Variants in AKAP3 observed in about 807,000 individuals in gnomAD.
AKAP3 encodes A-kinase anchor protein 3.
In AKAP3, 27 loss-of-function variants were observed where a neutral mutation model predicts 57.2. The observed-to-expected ratio is 0.47, with a 90% CI of 0.35 to 0.65. The LOEUF (loss-of-function observed/expected upper bound fraction) is 0.65, where lower values mean the gene tolerates loss of function less well. AKAP3 is among the 30% of genes least tolerant of loss of function. The probability of loss-of-function intolerance (pLI) is 0.01; values close to 1 mark genes in which losing one functional copy is unlikely to be tolerated. For synonymous variants in AKAP3, 334 were observed against 392.3 expected (o/e 0.85, Z 1.76); for missense variants, 959 against 1,040.0 (o/e 0.92, Z 1.07).
chr12:4,616,753 T>A (rs144449377), intron 5 of AKAP3, among the ~76,000 whole-genome samples: 8 of 152,288 alleles, frequency 5.3e-5, no homozygotes, highest in Admixed American at 4.6e-4. Flanking sequence ...ATAAAAATTA[T>A]CCATGCTGAA....
intron 4 of AKAP3, among the ~76,000 whole-genome samples, chr12:4,631,594 C>T (rs1407270082): frequency 6.9e-6 from 1 of 145,742 alleles, no homozygotes; most frequent in Admixed American, 6.7e-5. Flanking sequence ...GGTGCATGCT[C>T]ACACACACAC....
At chr12:4,630,730 A>G (rs1945486846) in intron 4 of AKAP3, among the ~76,000 whole-genome samples, 1 of 152,180 alleles carries the variant, frequency 6.6e-6, no homozygotes, top group African/African-American at 2.4e-5. Flanking sequence ...GACAACTGAC[A>G]TCAATGCAAT....
intron 4 of AKAP3, among the ~76,000 whole-genome samples, chr12:4,630,407 A>C (rs1210345209): frequency 6.6e-6 from 1 of 152,162 alleles, no homozygotes; most frequent in Non-Finnish European, 1.5e-5. Context: ...TGCAATTCTG[A>C]TTCTAAAATC....
chr12:4,627,020 A>ACTT lies in AKAP3; in HGVS notation c.1879_1881dup (p.Lys627dup). 6.2e-7 allele frequency: 1 copy of ACTT among 1,614,038 alleles called. No individual in the cohort carries two copies. Among genetic ancestry groups the ACTT allele is most frequent in the Non-Finnish European group, 8.5e-7 (1 of 1,179,956 alleles). ...GAAGACGCCAACGGTCTTTCACACA[A>ACTT]CTTCCTATCTTCCTTAACTGGCTGT... On this transcript the variant is annotated inframe_insertion, in exon 5 of 6. Transcript: ENST00000228850.
Position 4,649,029 on chromosome 12 carries a change from G to T in AKAP3, c.-529C>A. 4 of 1,402,066 alleles carry T rather than the reference G, an allele frequency of 2.9e-6. No individual in the cohort carries two copies. Among genetic ancestry groups the T allele is most frequent in the Non-Finnish European group, 3.0e-6 (3 of 1,014,380 alleles). The allele number at this position is 1,402,066 out of a possible 1,614,324, so 86.9% of individuals were successfully genotyped here. ...AATCTACCCGAAACCGTCGTTTCTTGGTTAGCGCTTGCGCAGACAGGCGAG... is the reference window on the plus strand; with the variant it reads ...AATCTACCCGAAACCGTCGTTTCTTTGTTAGCGCTTGCGCAGACAGGCGAG... On this transcript the variant is annotated 5_prime_UTR_variant, in exon 1 of 6. Coordinates refer to ENST00000228850, the MANE Select transcript of AKAP3 (RefSeq NM_001278309.2).
Position 4,628,697 on chromosome 12 carries a change from C to T in AKAP3, c.205G>A (p.Gly69Arg). 1.2e-6 allele frequency: 2 copies of T among 1,614,118 alleles called. No individual in the cohort carries two copies. Among genetic ancestry groups the T allele is most frequent in the Non-Finnish European group, 8.5e-7 (1 of 1,180,014 alleles). Reference protein sequence around the residue: ...VRFKPGESFGGETSNSGDPHK... With the variant: ...VRFKPGESFGRETSNSGDPHK... ...GGGTCTCCTGAGTTGGACGTTTCCC[C>T]ACCAAATGATTCTCCGGGTTTGAAC... Residue 69 changes from glycine (G) to arginine (R), a missense_variant, in exon 5 of 6, where the codon GGG (glycine) becomes AGG (arginine). Physicochemically the swap from Gly to Arg is moderately radical, Grantham distance 125 (BLOSUM62 -2). Transcript: ENST00000228850.
At position 4,642,157 on chromosome 12, in the gene AKAP3, A is replaced by C. The variant is rs1945645453; in HGVS notation, c.-106-153T>G. On this transcript the variant is annotated intron_variant, in intron 2 of 5. Coordinates refer to ENST00000228850, the MANE Select transcript of AKAP3 (RefSeq NM_001278309.2). Reference sequence around the variant, plus strand: ...TTCAAATTTCATGAGCACACATCTTATTCTTGATGCAGTCTAGCAGTTCCA... The same window carrying C: ...TTCAAATTTCATGAGCACACATCTTCTTCTTGATGCAGTCTAGCAGTTCCA... 3 of 152,358 alleles carry C rather than the reference A, an allele frequency of 2.0e-5. No homozygotes were observed. In the South Asian group the frequency reaches 6.2e-4, roughly 32 times the overall value. 9.4% of individuals were successfully genotyped at this position (152,358 alleles called of 1,614,324 possible).
intron 5 of AKAP3, among the ~76,000 whole-genome samples, chr12:4,616,846 A>G (rs1401080155): frequency 2.0e-5 from 3 of 152,146 alleles, no homozygotes; most frequent in Non-Finnish European, 2.9e-5. Flanking sequence ...AATACCAAAA[A>G]CTTTAACATT....
At chr12:4,619,425 G>A (rs1945320755) in intron 5 of AKAP3, among the ~76,000 whole-genome samples, 1 of 151,620 alleles carries the variant, frequency 6.6e-6, no homozygotes, top group Non-Finnish European at 1.5e-5. Context: ...GGCATGGTGG[G>A]GGATGCCTGT....
intron 5 of AKAP3, among the ~76,000 whole-genome samples, chr12:4,619,277 G>A (rs765078613): frequency 1.3e-5 from 2 of 152,162 alleles, no homozygotes; most frequent in Non-Finnish European, 1.5e-5. Context: ...ACACTTAACC[G>A]GTCAGGCATG....
Position 4,627,704 on chromosome 12 carries a change from T to A in AKAP3, c.1198A>T (p.Lys400Ter). The A allele has an allele frequency of 6.2e-7, 1 of 1,614,142 alleles. No individual in the cohort carries two copies. Among genetic ancestry groups the A allele is most frequent in the South Asian group, 1.1e-5 (1 of 91,078 alleles). ...GAGATGAGGGAATAACTCTCAGCCT[T>A]GTCTTGGGCTTTCCTGACATGCTCA... ...VPEHVRKAQD[K>*]AESYSLISMK... is the part of the protein sequence containing the mutation. Residue 400 changes from lysine (K) to a stop codon, truncating the protein, a stop_gained, in exon 5 of 6, where the codon AAG becomes TAG. Transcript: ENST00000228850. LOFTEE classifies it high-confidence loss of function.
At chr12:4,637,434 C>T (rs1188607123) in intron 4 of AKAP3, among the ~76,000 whole-genome samples, 1 of 152,144 alleles carries the variant, frequency 6.6e-6, no homozygotes, top group East Asian at 1.9e-4. Context: ...TTAGTTTCTT[C>T]CTTGTTTATG....
chr12:4,615,752 A>G lies in AKAP3; in HGVS notation c.2549T>C (p.Met850Thr). The change falls in exon 6 of 6, where the codon ATG becomes ACG. Residue 850 changes from methionine to threonine, a missense_variant. Transcript: ENST00000228850. ...VTPLQLLDWLMVNL is the reference protein window; with the variant it reads ...VTPLQLLDWLTVNL Reference sequence around the variant, plus strand: ...TGGGGTTGCCGATTACAGGTTCACCATCAGCCAGTCCAGCAGCTGCAGCGG... The same window carrying G: ...TGGGGTTGCCGATTACAGGTTCACCGTCAGCCAGTCCAGCAGCTGCAGCGG... 3 of 1,614,078 alleles carry G rather than the reference A, an allele frequency of 1.9e-6. No homozygotes were observed. Among genetic ancestry groups the G allele is most frequent in the Non-Finnish European group, 2.5e-6 (3 of 1,179,936 alleles).
In AKAP3 at chr12:4,627,933, G is replaced by C; in HGVS notation, c.969C>G (p.Leu323=). ...CCGAGACCACCTCTTTTGCATGCTTGAGCAGAACCTTCTTCAGTAGGATGG... is the reference window on the plus strand; with the variant it reads ...CCGAGACCACCTCTTTTGCATGCTTCAGCAGAACCTTCTTCAGTAGGATGG... The part of the protein sequence containing the change: ...IATILLKKVL[L]KHAKEVVSDL... Residue 323 remains leucine (L), a synonymous_variant, in exon 5 of 6, where the codon CTC becomes CTG. Transcript: ENST00000228850. 6.2e-7 allele frequency: 1 copy of C among 1,614,116 alleles called. No individual in the cohort carries two copies. Among genetic ancestry groups the C allele is most frequent in the East Asian group, 2.2e-5 (1 of 44,862 alleles).
chr12:4,622,412 T>A (rs912998185), intron 5 of AKAP3, among the ~76,000 whole-genome samples: 1 of 152,140 alleles, frequency 6.6e-6, no homozygotes, highest in Non-Finnish European at 1.5e-5. Context: ...CAAAACAGCA[T>A]GGTACTGGTA....
At chr12:4,616,168 T>G (rs1945282832) in intron 5 of AKAP3, among the ~76,000 whole-genome samples, 1 of 152,204 alleles carries the variant, frequency 6.6e-6, no homozygotes, top group Admixed American at 6.5e-5. Flanking sequence ...ATCATTGTCC[T>G]AAGACCAACA....
rs146944578 is a variant in AKAP3 at position 4,623,214 on chromosome 12, C to G, written c.2406+3282G>C. Among the ~76,000 whole-genome samples, 21 of 152,284 alleles carry G rather than the reference C, an allele frequency of 1.4e-4. No homozygotes were observed. In the East Asian group the frequency reaches 4.0e-3, roughly 29 times the overall value. On this transcript the variant is annotated intron_variant, in intron 5 of 5. Coordinates refer to ENST00000228850, the MANE Select transcript of AKAP3 (RefSeq NM_001278309.2). ...AGCAGTGTGGCAATTCCTCAAAGAGCTAAAAACAGAACTACTGTTCAACCC... is the reference window on the plus strand; with the variant it reads ...AGCAGTGTGGCAATTCCTCAAAGAGGTAAAAACAGAACTACTGTTCAACCC...
rs1180536986 is a variant in AKAP3 at position 4,627,965 on chromosome 12, T to C, written c.937A>G (p.Ile313Val). ...TLKIQVKDTT[I>V]ATILLKKVLL... ...ACCTTCTTCAGTAGGATGGTGGCAA[T>C]GGTTGTGTCTTTCACTTGGATCTTC... Residue 313 changes from isoleucine to valine, a missense_variant, in exon 5 of 6, where the codon ATT becomes GTT. Transcript: ENST00000228850. 1 of 1,614,116 alleles carries C rather than the reference T, an allele frequency of 6.2e-7. No individual in the cohort carries two copies. Among genetic ancestry groups the C allele is most frequent in the Non-Finnish European group, 8.5e-7 (1 of 1,180,016 alleles).
intron 2 of AKAP3, among the ~76,000 whole-genome samples, chr12:4,642,281 G>A (rs568515685): frequency 2.6e-5 from 4 of 152,020 alleles, no homozygotes; most frequent in African/African-American, 7.3e-5. Flanking sequence ...TTTAAACAAC[G>A]AAGACCCTAA....
Sources: allele counts gnomAD v4.1 joint callset (sites outside exome capture counted in the v4.1 genomes callset), GRCh38; gene constraint gnomAD v4.1.1; transcripts MANE v1.5; gene names NCBI Gene and HGNC (gene_info 2026-07-23, HGNC 2026-07-21).